The following CDH9 variants were observed in gnomAD, a reference collection of about 807,000 sequenced individuals.
CDH9 encodes the protein cadherin-9.
In CDH9, 28 loss-of-function variants were observed where a neutral mutation model predicts 70.9. The observed-to-expected ratio is 0.40, with a 90% CI of 0.29 to 0.54. The LOEUF is 0.54. Ranked by LOEUF, CDH9 falls within the 20% of genes least tolerant of loss-of-function variation. The pLI is 0.59. For synonymous variants in CDH9, 409 were observed against 343.1 expected, an observed-to-expected ratio of 1.19 and a Z score of -2.12; for missense variants, 874 against 984.4, an observed-to-expected ratio of 0.89 and a Z score of 1.50.
chr5:26,903,123 C>G (rs933278924), intron 6 of CDH9: 2 of 200,110 alleles, frequency 1.0e-5, no homozygotes, highest in African/African-American at 4.8e-5. Context: ...TATTTGAGCA[C>G]TTGTGGAAAG....
chr5:26,923,122 A>G (rs1741276146), intron 2 of CDH9, among the ~76,000 whole-genome samples: 1 of 150,840 alleles, frequency 6.6e-6, no homozygotes, highest in African/African-American at 2.4e-5. Flanking sequence ...ATCTGGTTGA[A>G]TGGATGAAAA....
Position 26,881,270 on chromosome 5 carries a change from T to C in CDH9, c.2236A>G (p.Ile746Val), listed in dbSNP as rs1303781721. The change falls in exon 12 of 12, where the codon ATA (isoleucine) becomes GTA (valine). Residue 746 changes from isoleucine to valine, a missense_variant. Transcript: ENST00000231021. ...ATYAYEGNDSIADSLSSLESL... is the reference protein window; with the variant it reads ...ATYAYEGNDSVADSLSSLESL... ...TCCAAAGAACTGAGCGAATCTGCTA[T>C]GGAATCATTCCCTTCATAGGCATAC... 1 of 1,613,602 alleles carries C rather than the reference T, an allele frequency of 6.2e-7. No individual in the cohort carries two copies. Among genetic ancestry groups the C allele is most frequent in the South Asian group, 1.1e-5 (1 of 91,086 alleles).
At chr5:26,969,919 AAT>A (rs763770069) in intron 2 of CDH9, among the ~76,000 whole-genome samples, 181 of 144,604 alleles carry the variant, frequency 1.3e-3, no homozygotes, top group Non-Finnish European at 1.7e-3. Context: ...CATATGTACA[AAT>A]ATATATATAT....
In CDH9 at chr5:26,970,853, A is replaced by G. The variant is rs138353371; in HGVS notation, c.228+17253T>C. 6.5e-4 allele frequency among the ~76,000 whole-genome samples: 99 copies of G among 152,150 alleles called. 1 individual carries two copies. The highest frequency in any genetic ancestry group is 1.1e-3 in the Non-Finnish European group (76 of 68,004). ...TTCTTATAAAACTTGCAGGTCCTAC[A>G]GTGATTCAAATGTCTAGTGTAAATA... On this transcript the variant is annotated intron_variant, in intron 2 of 11. Coordinates refer to ENST00000231021, the MANE Select transcript of CDH9 (RefSeq NM_016279.4).
chr5:26,980,675 A>C (rs2112083647), intron 2 of CDH9, among the ~76,000 whole-genome samples: 1 of 152,146 alleles, frequency 6.6e-6, no homozygotes, highest in African/African-American at 2.4e-5. Flanking sequence ...TAAACAAACA[A>C]ACATGCATAC....
At chr5:27,006,598 C>A (rs746291107) in intron 1 of CDH9, among the ~76,000 whole-genome samples, 12 of 152,146 alleles carry the variant, frequency 7.9e-5, no homozygotes, top group Non-Finnish European at 1.6e-4. Flanking sequence ...GTAAGAGGCT[C>A]ATTCTGTTGA....
intron 2 of CDH9, among the ~76,000 whole-genome samples, chr5:26,975,504 T>C (rs577125483): frequency 6.6e-6 from 1 of 152,180 alleles, no homozygotes; most frequent in African/African-American, 2.4e-5. Flanking sequence ...AGAGTTTATT[T>C]TGACTTAGCA....
chr5:26,973,674 G>A (rs1319017552), intron 2 of CDH9, among the ~76,000 whole-genome samples: 1 of 151,946 alleles, frequency 6.6e-6, no homozygotes, highest in Non-Finnish European at 1.5e-5. Flanking sequence ...TACATGTTAG[G>A]GAGCCCGTGT....
chr5:26,936,779 C>T (rs766870324), intron 2 of CDH9, among the ~76,000 whole-genome samples: 3 of 151,968 alleles, frequency 2.0e-5, no homozygotes, highest in Non-Finnish European at 2.9e-5. Context: ...CAAGAAAAGA[C>T]AGTCTTTTCA....
chr5:26,899,413 C>T (rs879147550), intron 7 of CDH9, among the ~76,000 whole-genome samples: 2 of 152,066 alleles, frequency 1.3e-5, no homozygotes, highest in Admixed American at 6.6e-5. Flanking sequence ...AAGACTTGGA[C>T]CAACCCAAAT....
At chr5:26,956,657 C>A (rs1360690725) in intron 2 of CDH9, among the ~76,000 whole-genome samples, 1 of 152,138 alleles carries the variant, frequency 6.6e-6, no homozygotes, top group Non-Finnish European at 1.5e-5. Flanking sequence ...ACAGACCCCA[C>A]AGGCTTTCTG....
At chr5:27,016,408 T>G (rs1029481179) in intron 1 of CDH9, among the ~76,000 whole-genome samples, 5 of 151,836 alleles carry the variant, frequency 3.3e-5, no homozygotes, top group African/African-American at 9.7e-5. Context: ...AAAGTTTAAT[T>G]ATTGTACATA....
chr5:26,926,917 G>GCC (rs55917148), intron 2 of CDH9, among the ~76,000 whole-genome samples: 4,605 of 125,042 alleles, frequency 0.037, 132 homozygotes, highest in Middle Eastern at 0.055. Flanking sequence ...CAAAAATACA[G>GCC]CCCCCCCCCG....
intron 2 of CDH9, among the ~76,000 whole-genome samples, chr5:26,970,428 T>A (rs1170268352): frequency 2.0e-5 from 3 of 152,054 alleles, no homozygotes; most frequent in African/African-American, 7.2e-5. Flanking sequence ...TTACCTAACA[T>A]GAGAAATGTG....
chr5:26,949,016 C>A (rs1008832561), intron 2 of CDH9, among the ~76,000 whole-genome samples: 2 of 152,052 alleles, frequency 1.3e-5, no homozygotes, highest in African/African-American at 4.8e-5. Flanking sequence ...TAAATACATT[C>A]TTTTGAAATT....
chr5:26,956,719 C>A (rs1741953261), intron 2 of CDH9, among the ~76,000 whole-genome samples: 1 of 152,062 alleles, frequency 6.6e-6, no homozygotes, highest in Non-Finnish European at 1.5e-5. Context: ...ATGGTAGCAC[C>A]TTGATACTGG....
intron 2 of CDH9, among the ~76,000 whole-genome samples, chr5:26,954,990 G>T (rs1741922585): frequency 6.6e-6 from 1 of 152,046 alleles, no homozygotes; most frequent in Admixed American, 6.5e-5. Context: ...GCCTGTGGTT[G>T]TACCACTACA....
At chr5:27,029,903 C>A (rs538589964) in intron 1 of CDH9, among the ~76,000 whole-genome samples, 7 of 152,014 alleles carry the variant, frequency 4.6e-5, no homozygotes, top group African/African-American at 1.7e-4. Flanking sequence ...GACACAAGAT[C>A]AGCTTCTTAA....
chr5:26,937,476 C>A (rs371696322), intron 2 of CDH9, among the ~76,000 whole-genome samples: 1 of 152,058 alleles, frequency 6.6e-6, no homozygotes, highest in Admixed American at 6.6e-5. Flanking sequence ...TCCTACAAAG[C>A]TAAACAGTCA....
Sources: allele counts gnomAD v4.1 joint callset (sites outside exome capture counted in the v4.1 genomes callset), GRCh38; gene constraint gnomAD v4.1.1; transcripts MANE v1.5; gene names NCBI Gene and HGNC (gene_info 2026-07-23, HGNC 2026-07-21).